The following TRIM2 variants were observed in gnomAD, a reference collection of about 807,000 sequenced individuals.
TRIM2 encodes the protein tripartite motif containing 2, also known as tripartite motif-containing protein 2.
Under a neutral mutation model 75.2 loss-of-function variants are expected in TRIM2, and 20 were observed. The observed-to-expected ratio is 0.27, with a 90% CI of 0.19 to 0.39. The LOEUF (loss-of-function observed/expected upper bound fraction) is 0.39. Among genes scored for constraint, TRIM2 ranks in the 10% least tolerant of loss-of-function variants. The probability of loss-of-function intolerance (pLI) is 1.00; values close to 1 mark genes in which losing one functional copy is unlikely to be tolerated. For missense variants in TRIM2, 660 were observed against 990.8 expected, an observed-to-expected ratio of 0.67 and a Z score of 4.48; for synonymous variants, 373 against 388.3, an observed-to-expected ratio of 0.96 and a Z score of 0.46.
chr4:153,319,160 C>T (rs554843813), intron 8 of TRIM2, among the ~76,000 whole-genome samples: 1 of 152,150 alleles, frequency 6.6e-6, no homozygotes, highest in African/African-American at 2.4e-5. Context: ...TGTATTTATT[C>T]CTAGTAGTTC....
chr4:153,247,606 A>G lies in TRIM2; in HGVS notation c.31-22729A>G, dbSNP rs1001162171. Among the ~76,000 whole-genome samples the G allele has an allele frequency of 2.2e-5, 3 of 137,930 alleles. No homozygotes were observed. In the Admixed American group the frequency reaches 2.4e-4, roughly 11 times the overall value. The allele number at this position is 137,930 out of a possible 152,430, so 90.5% of individuals were successfully genotyped here. On this transcript the variant is annotated intron_variant, in intron 1 of 11. Coordinates refer to ENST00000338700, the MANE Select transcript of TRIM2 (RefSeq NM_015271.5). ...GGCAGGAGAATTGCTTGCACCCAGG[A>G]GGCTGAGGTTGCTGTGAGCTGAGAT...
chr4:153,246,405 A>G (rs1479167700), intron 1 of TRIM2, among the ~76,000 whole-genome samples: 1 of 152,222 alleles, frequency 6.6e-6, no homozygotes, highest in Non-Finnish European at 1.5e-5. Flanking sequence ...CAGAACACCA[A>G]CATGCCTGTA....
chr4:153,233,791 T>G (rs1299256092), intron 1 of TRIM2, among the ~76,000 whole-genome samples: 2 of 152,186 alleles, frequency 1.3e-5, no homozygotes, highest in Admixed American at 1.3e-4. Flanking sequence ...GATATCTTTT[T>G]ATGGTTAATT....
chr4:153,326,692 T>TA, intron 10 of TRIM2, among the ~76,000 whole-genome samples: 1 of 152,250 alleles, frequency 6.6e-6, no homozygotes, highest in Middle Eastern at 3.4e-3. Flanking sequence ...CTCAGAAAGA[T>TA]AAACAAGGCT....
intron 9 of TRIM2, among the ~76,000 whole-genome samples, chr4:153,323,565 T>C (rs1226708533): frequency 6.6e-6 from 1 of 152,192 alleles, no homozygotes; most frequent in Admixed American, 6.5e-5. Flanking sequence ...CACTGCAGCC[T>C]CGACCTCCTG....
chr4:153,270,067 A>T (rs1231672765), intron 1 of TRIM2, among the ~76,000 whole-genome samples: 85 of 151,992 alleles, frequency 5.6e-4, no homozygotes, highest in Non-Finnish European at 1.1e-3. Context: ...TAGCTGAGGC[A>T]ACAGGCGTGT....
At chr4:153,258,415 C>G (rs2149967665) in intron 1 of TRIM2, among the ~76,000 whole-genome samples, 1 of 151,868 alleles carries the variant, frequency 6.6e-6, no homozygotes, top group East Asian at 1.9e-4. Flanking sequence ...AAAAAAAAAC[C>G]CTTGGGTTTT....
rs1762725103 is a variant in TRIM2 at position 153,296,176 on chromosome 4, T to C, written c.1510+140T>C. The C allele has an allele frequency of 1.8e-5, 20 of 1,139,746 alleles. No homozygotes were observed. The South Asian group carries it at 5.2e-4, about 30-fold the overall frequency. The allele number at this position is 1,139,746 out of a possible 1,614,324, so 70.6% of individuals were successfully genotyped here. A position where few individuals can be genotyped will look rare whatever the true frequency, so the allele number is the denominator to read the frequency against. ...GGAGATGTACTGCTATAAAATTTGA[T>C]ATATTTTGTTAGTCGAGCTTATGCA... On this transcript the variant is annotated intron_variant, in intron 6 of 11. Transcript: ENST00000338700.
intron 6 of TRIM2, among the ~76,000 whole-genome samples, chr4:153,314,667 C>T (rs113095254): frequency 0.014 from 2,122 of 152,018 alleles, 44 homozygotes; most frequent in African/African-American, 0.048. Flanking sequence ...CCTTTCTTAT[C>T]TAATCTACAA....
chr4:153,186,638 G>A (rs553495396), intron 1 of TRIM2, among the ~76,000 whole-genome samples: 2 of 152,262 alleles, frequency 1.3e-5, no homozygotes, highest in South Asian at 4.1e-4. Context: ...GGCACCTGAG[G>A]GCCCCTTTTC....
intron 1 of TRIM2, among the ~76,000 whole-genome samples, chr4:153,164,150 T>C (rs772284607): frequency 7.9e-5 from 12 of 152,188 alleles, no homozygotes; most frequent in Non-Finnish European, 1.6e-4. Flanking sequence ...TTGTTTTGTT[T>C]TGTTTTGAGA....
chr4:153,224,426 G>A (rs1314505182), intron 1 of TRIM2, among the ~76,000 whole-genome samples: 2 of 152,118 alleles, frequency 1.3e-5, no homozygotes, highest in Non-Finnish European at 2.9e-5. Context: ...TCTGGGCTAG[G>A]TACAGAACAC....
chr4:153,212,565 G>A (rs972700139), intron 1 of TRIM2, among the ~76,000 whole-genome samples: 13 of 152,182 alleles, frequency 8.5e-5, no homozygotes, highest in Non-Finnish European at 1.5e-4. Flanking sequence ...AGGCTGAGGA[G>A]AGAGAATTGC....
chr4:153,170,403 C>T lies in TRIM2; in HGVS notation c.-49+17133C>T, dbSNP rs573419256. On this transcript the variant is annotated intron_variant, in intron 1 of 11. Coordinates refer to the TRIM2 transcript ENST00000437508. ...ATGGCATGTTTAACCGGACCCCAGCCTGGTGAGCTTCAGGCTGATGGTGCA... is the reference window on the plus strand; with the variant it reads ...ATGGCATGTTTAACCGGACCCCAGCTTGGTGAGCTTCAGGCTGATGGTGCA... 1.1e-4 allele frequency among the ~76,000 whole-genome samples: 16 copies of T among 152,244 alleles called. No homozygotes were observed. The Middle Eastern group carries it at 0.01, about 97-fold the overall frequency.
rs565225497 is a variant in TRIM2 at position 153,177,658 on chromosome 4, A to AC, written c.-49+24388_-49+24389insC. 3.3e-5 allele frequency among the ~76,000 whole-genome samples: 5 copies of AC among 151,962 alleles called. No individual in the cohort carries two copies. In the East Asian group the frequency reaches 9.7e-4, roughly 29 times the overall value. Reference sequence around the variant, plus strand: ...AAGACTCCTTCTCCAAAAAAAAAAAAATCAGGAGTCCTAGAATATGGAAGA... The same window carrying AC: ...AAGACTCCTTCTCCAAAAAAAAAAAACATCAGGAGTCCTAGAATATGGAAGA... On this transcript the variant is annotated intron_variant, in intron 1 of 11. Transcript: ENST00000437508.
intron 1 of TRIM2, among the ~76,000 whole-genome samples, chr4:153,198,811 C>T (rs1207107007): frequency 6.6e-6 from 1 of 152,130 alleles, no homozygotes; most frequent in African/African-American, 2.4e-5. Context: ...TGGGCTTTGG[C>T]TCTTTAGAAG....
chr4:153,190,507 A>G (rs1351189313), intron 1 of TRIM2, among the ~76,000 whole-genome samples: 2 of 151,894 alleles, frequency 1.3e-5, no homozygotes, highest in African/African-American at 2.4e-5. Flanking sequence ...AGGCTTAAAG[A>G]TTTTTTTTTA....
chr4:153,324,343 G>A lies in TRIM2; in HGVS notation c.2022+195G>A, dbSNP rs1769675757. ...AAGTCAGGAAATTGAATAAAATGTG[G>A]TGGCAATAAGTTGCTTAATTTGAAA... On this transcript the variant is annotated intron_variant, in intron 10 of 11. Coordinates refer to ENST00000338700, the MANE Select transcript of TRIM2 (RefSeq NM_015271.5). 7.4e-6 allele frequency: 3 copies of A among 405,760 alleles called. No homozygotes were observed. The Admixed American group carries it at 1.4e-4, about 20-fold the overall frequency. 25.1% of individuals were successfully genotyped at this position (405,760 alleles called of 1,614,324 possible). A position where few individuals can be genotyped will look rare whatever the true frequency, so the allele number is the denominator to read the frequency against.
At chr4:153,226,488 A>G (rs1742162742) in intron 1 of TRIM2, among the ~76,000 whole-genome samples, 4 of 152,264 alleles carry the variant, frequency 2.6e-5, no homozygotes, top group Non-Finnish European at 4.4e-5. Context: ...TTGTAGAAAT[A>G]TGCTGCAGGC....
Sources: allele counts gnomAD v4.1 joint callset (sites outside exome capture counted in the v4.1 genomes callset), GRCh38; gene constraint gnomAD v4.1.1; transcripts MANE v1.5; gene names NCBI Gene and HGNC (gene_info 2026-07-23, HGNC 2026-07-21).